The following ACTR3C variants were observed in gnomAD, a reference collection of about 807,000 sequenced individuals.
The protein encoded by ACTR3C is actin-related protein 3C.
ACTR3C carries 18 observed loss-of-function variants against 26.3 expected under a neutral mutation model. That is an observed-to-expected ratio of 0.68 (90% CI 0.47 to 1.01). The LOEUF (loss-of-function observed/expected upper bound fraction) is 1.01. Ranked by LOEUF, ACTR3C falls within the 50% of genes least tolerant of loss-of-function variation. ACTR3C has a pLI of 0.00. For missense variants in ACTR3C, 184 were observed against 250.7 expected, an observed-to-expected ratio of 0.73 and a Z score of 1.80; for synonymous variants, 55 against 94.5, an observed-to-expected ratio of 0.58 and a Z score of 2.42.
chr7:150,241,020 A>C (rs1832149092), downstream of ACTR3C, among the ~76,000 whole-genome samples: 1 of 152,116 alleles, frequency 6.6e-6, no homozygotes, highest in Admixed American at 6.5e-5. Flanking sequence ...TACATGAAAA[A>C]TAGCAAAATA....
chr7:150,116,520 G>T, the ACTR3C span, among the ~76,000 whole-genome samples: 37 of 152,238 alleles, frequency 2.4e-4, no homozygotes, highest in Admixed American at 4.6e-4. Context: ...AAGGTTTCTT[G>T]AACTTTTAAA....
At chr7:150,168,286 A>T in the ACTR3C span, among the ~76,000 whole-genome samples, 23 of 150,902 alleles carry the variant, frequency 1.5e-4, no homozygotes, top group Non-Finnish European at 2.6e-4. Context: ...TCAGATCAGC[A>T]GCGGCATTAG....
chr7:149,956,932 C>T, the ACTR3C span, among the ~76,000 whole-genome samples: 6 of 152,100 alleles, frequency 3.9e-5, no homozygotes, highest in African/African-American at 7.2e-5. Context: ...CACTGCTTGC[C>T]GCTAGAACTC....
chr7:149,942,694 TGAAAATATCCCAGC>T, the ACTR3C span, among the ~76,000 whole-genome samples: 4 of 150,072 alleles, frequency 2.7e-5, no homozygotes, highest in African/African-American at 1.0e-4. Context: ...ATGATTTCAG[TGAAAATATCCCAGC>T]GAAGTATGGA....
chr7:150,029,071 A>G, the ACTR3C span, among the ~76,000 whole-genome samples: 3 of 151,842 alleles, frequency 2.0e-5, no homozygotes, highest in African/African-American at 7.3e-5. Flanking sequence ...AAGAATCAAC[A>G]ATAGAATAAT....
the ACTR3C span, among the ~76,000 whole-genome samples, chr7:149,946,178 A>G: frequency 6.6e-6 from 1 of 152,244 alleles, no homozygotes; most frequent in Non-Finnish European, 1.5e-5. Flanking sequence ...CCAGCGCTCC[A>G]GGAATCAGGA....
chr7:150,010,105 G>A, the ACTR3C span, among the ~76,000 whole-genome samples: 2 of 152,180 alleles, frequency 1.3e-5, no homozygotes, highest in African/African-American at 2.4e-5. Flanking sequence ...CCTTCCTTGT[G>A]TGCCAGCCAA....
At chr7:150,143,919 G>A in the ACTR3C span, among the ~76,000 whole-genome samples, 3 of 152,242 alleles carry the variant, frequency 2.0e-5, no homozygotes, top group Non-Finnish European at 4.4e-5. Context: ...TGGAAGAGAA[G>A]GAGATCAGGT....
the ACTR3C span, among the ~76,000 whole-genome samples, chr7:150,184,429 T>C: frequency 6.6e-6 from 1 of 150,674 alleles, no homozygotes; most frequent in Non-Finnish European, 1.5e-5. Context: ...TCCATGTCTA[T>C]GGACCTTGAC....
chr7:150,039,546 A>C, the ACTR3C span, among the ~76,000 whole-genome samples: 1 of 108,678 alleles, frequency 9.2e-6, no homozygotes, highest in Non-Finnish European at 2.1e-5. Flanking sequence ...GGGTCCCCAG[A>C]GCCAGGGGGG....
chr7:150,186,052 TAGG>T, the ACTR3C span, among the ~76,000 whole-genome samples: 9 of 152,090 alleles, frequency 5.9e-5, no homozygotes, highest in African/African-American at 1.9e-4. Flanking sequence ...ACGAAGGCAA[TAGG>T]AGGTCAGTCC....
chr7:149,887,006 A>T, the ACTR3C span, among the ~76,000 whole-genome samples: 1 of 152,106 alleles, frequency 6.6e-6, no homozygotes, highest in South Asian at 2.1e-4. Flanking sequence ...CCAAATACAT[A>T]AGGAAGAGAT....
At chr7:150,292,313 A>G (rs1836335380) in intron 3 of ACTR3C, among the ~76,000 whole-genome samples, 1 of 152,136 alleles carries the variant, frequency 6.6e-6, no homozygotes, top group South Asian at 2.1e-4. Context: ...CCCTCTTCAG[A>G]CACTTCTGAT....
In ACTR3C at chr7:150,321,312, A is replaced by G. The variant is rs960386090; in HGVS notation, c.-52+2157T>C. ...CTTGAATAAAGTCTCTCACCTTAAC[A>G]ATTGTTTGAATAATTTTTCTTTTAG... On this transcript the variant is annotated intron_variant, in intron 1 of 7. Transcript: ENST00000683684. Among the ~76,000 whole-genome samples, 5 of 152,280 alleles carry G rather than the reference A, an allele frequency of 3.3e-5. No individual in the cohort carries two copies. The South Asian group carries it at 1.0e-3, about 32-fold the overall frequency.
At chr7:150,214,317 T>C in the ACTR3C span, among the ~76,000 whole-genome samples, 114 of 152,252 alleles carry the variant, frequency 7.5e-4, no homozygotes, top group South Asian at 2.1e-3. Flanking sequence ...AGAAGACTCC[T>C]CATTTATTAA....
the ACTR3C span, among the ~76,000 whole-genome samples, chr7:149,896,071 G>A: frequency 6.0e-5 from 9 of 150,200 alleles, no homozygotes; most frequent in South Asian, 2.1e-4. Flanking sequence ...AAAACTAGCC[G>A]GGAGTCCCAA....
At chr7:150,323,368 C>T (rs3735175) in intron 1 of ACTR3C, 101 bp downstream of exon 1, 77,380 of 289,344 alleles carry the variant, frequency 0.27, 10,724 homozygotes, top group East Asian at 0.43. Context: ...CTCAGGCCTG[C>T]GGCGCTGGGA....
intron 6 of ACTR3C, among the ~76,000 whole-genome samples, chr7:150,278,026 T>C (rs958734866): frequency 2.0e-5 from 3 of 152,158 alleles, no homozygotes; most frequent in African/African-American, 7.2e-5. Flanking sequence ...CCCCTGTGCC[T>C]TCCCCATAAG....
chr7:150,034,379 A>G, the ACTR3C span, among the ~76,000 whole-genome samples: 713 of 151,634 alleles, frequency 4.7e-3, 8 homozygotes, highest in African/African-American at 0.016. Context: ...GCTTTGTCAG[A>G]TCGGGTAGCC....
Sources: allele counts gnomAD v4.1 joint callset (sites outside exome capture counted in the v4.1 genomes callset), GRCh38; gene constraint gnomAD v4.1.1; transcripts MANE v1.5; gene names NCBI Gene and HGNC (gene_info 2026-07-23, HGNC 2026-07-21).